The following LMOD3 variants were observed in gnomAD, a reference collection of about 807,000 sequenced individuals.
LMOD3 encodes leiomodin 3, also known as leiomodin-3.
LMOD3 carries 31 observed loss-of-function variants against 41.8 expected under a neutral mutation model. The ratio of observed to expected loss-of-function variants is 0.74; its 90% CI spans 0.56 to 1.00. The LOEUF is 1.00. Ranked by LOEUF, LMOD3 falls within the 50% of genes least tolerant of loss-of-function variation. LMOD3 has a pLI of 0.00. For synonymous variants in LMOD3, 292 were observed against 241.9 expected (o/e 1.21, Z -1.92); for missense variants, 755 against 679.5 (o/e 1.11, Z -1.23).
intron 2 of LMOD3, 92 bp downstream of exon 2, chr3:69,118,607 T>C (rs2092388286): frequency 7.1e-7 from 1 of 1,404,338 alleles, no homozygotes; most frequent in Admixed American, 2.5e-5. Flanking sequence ...AATTAGTGAG[T>C]ATCCCCTTAT....
rs926360221 is a variant in LMOD3 at position 69,121,976 on chromosome 3, T to C, written c.294+117A>G. On this transcript the variant is annotated intron_variant, in intron 1 of 2. Coordinates refer to ENST00000420581, the MANE Select transcript of LMOD3 (RefSeq NM_198271.5). ...TAAATATTATGGTTTAATCTAGATA[T>C]GGCAAAAACAAAGCAGAACCAAACC... 1.1e-5 allele frequency: 8 copies of C among 756,700 alleles called. No homozygotes were observed. In the African/African-American group the frequency reaches 1.4e-4, roughly 13 times the overall value. The allele number at this position is 756,700 out of a possible 1,614,324, so 46.9% of individuals were successfully genotyped here.
At chr3:69,116,475 T>C (rs1333808994) in intron 2 of LMOD3, among the ~76,000 whole-genome samples, 2 of 152,256 alleles carry the variant, frequency 1.3e-5, no homozygotes, top group Non-Finnish European at 2.9e-5. Context: ...TTTTCTTGAA[T>C]TATTTTTTTT....
Position 69,119,413 on chromosome 3 carries a change from A to C in LMOD3, c.942T>G (p.Thr314=). The change falls in exon 2 of 3, where the codon ACT becomes ACG. Residue 314 remains threonine, a synonymous_variant. Coordinates refer to ENST00000420581, the MANE Select transcript of LMOD3 (RefSeq NM_198271.5). ...NMLRENRSIT[T]LNIESNFITG... ...TGATGAAATTGGACTCGATGTTGAG[A>C]GTGGTGATGCTTCTATTTTCACGCA... is the stretch of plus-strand genomic sequence containing the variant. The C allele has an allele frequency of 6.2e-7, 1 of 1,613,926 alleles. No individual in the cohort carries two copies. Among genetic ancestry groups the C allele is most frequent in the Non-Finnish European group, 8.5e-7 (1 of 1,179,878 alleles).
chr3:69,112,219 G>C (rs2092353192), intron 2 of LMOD3, among the ~76,000 whole-genome samples: 1 of 152,212 alleles, frequency 6.6e-6, no homozygotes. Context: ...GTGTGTGTGT[G>C]TCTAGCATCA....
intron 2 of LMOD3, among the ~76,000 whole-genome samples, chr3:69,111,936 A>G (rs1575872706): frequency 6.6e-6 from 1 of 152,390 alleles, no homozygotes; most frequent in Middle Eastern, 3.4e-3. Flanking sequence ...GACTTTAAAA[A>G]TTAACCCTTT....
intron 2 of LMOD3, among the ~76,000 whole-genome samples, chr3:69,110,934 T>C (rs988021634): frequency 3.4e-5 from 5 of 147,348 alleles, no homozygotes; most frequent in African/African-American, 5.1e-5. Context: ...AGTCCAACAC[T>C]GCAAACCCAC....
At position 69,119,601 on chromosome 3, in the gene LMOD3, C is replaced by A; in HGVS notation, c.754G>T (p.Asp252Tyr). Residue 252 changes from aspartate to tyrosine, a missense_variant, in exon 2 of 3, where the codon GAT becomes TAT. Coordinates refer to ENST00000420581, the MANE Select transcript of LMOD3 (RefSeq NM_198271.5). ...AGGTTGAGTTCCTTCATGTCAGGAT[C>A]ATTTTTCCTAACTCTCCTCAAGCTC... is the stretch of plus-strand genomic sequence containing the variant. ...DGSLRRVRKN[D>Y]PDMKELNLNN... 1 of 1,613,730 alleles carries A rather than the reference C, an allele frequency of 6.2e-7. No individual in the cohort carries two copies. Among genetic ancestry groups the A allele is most frequent in the Non-Finnish European group, 8.5e-7 (1 of 1,179,856 alleles).
At position 69,119,017 on chromosome 3, in the gene LMOD3, G is replaced by A. The variant is rs771460251; in HGVS notation, c.1338C>T (p.Phe446=). 6.2e-7 allele frequency: 1 copy of A among 1,613,634 alleles called. No homozygotes were observed. The highest frequency in any genetic ancestry group is 1.7e-5 in the Admixed American group (1 of 59,978). Residue 446 remains phenylalanine (F), a synonymous_variant, in exon 2 of 3, where the codon TTC becomes TTT. Coordinates refer to ENST00000420581, the MANE Select transcript of LMOD3 (RefSeq NM_198271.5). ...GAGGCCGAGGTGGCGGTGGCTGGAA[G>A]AATTCCTGCATTCTGGAATCTGGCT... The part of the protein sequence containing the change: ...GPKPDSRMQE[F]FQPPPPRPPN...
rs1180046368 is a variant in LMOD3 at position 69,119,007 on chromosome 3, GTGGC to G, written c.1344_1347del (p.Gln448HisfsTer20). 1 of 1,613,642 alleles carries G rather than the reference GTGGC, an allele frequency of 6.2e-7. No homozygotes were observed. The highest frequency in any genetic ancestry group is 1.1e-5 in the South Asian group (1 of 91,034). On this transcript the variant is annotated frameshift_variant, in exon 2 of 3. Coordinates refer to ENST00000420581, the MANE Select transcript of LMOD3 (RefSeq NM_198271.5). LOFTEE classifies it high-confidence loss of function. The stretch of plus-strand genomic sequence containing the variant: ...TGGGGGTTGGGAGGCCGAGGTGGCG[GTGGC>G]TGGAAGAATTCCTGCATTCTGGAAT...
At chr3:69,117,390 T>C (rs1198587048) in intron 2 of LMOD3, among the ~76,000 whole-genome samples, 3 of 152,332 alleles carry the variant, frequency 2.0e-5, no homozygotes, top group African/African-American at 4.8e-5. Flanking sequence ...AAATTCAACA[T>C]GTTTTGAAAA....
intron 2 of LMOD3, among the ~76,000 whole-genome samples, chr3:69,115,136 C>A (rs896555354): frequency 2.6e-5 from 4 of 152,090 alleles, no homozygotes; most frequent in Non-Finnish European, 4.4e-5. Context: ...GCCTCCCAAA[C>A]TGTTGAGATT....
At position 69,119,796 on chromosome 3, in the gene LMOD3, T is replaced by G; in HGVS notation, c.559A>C (p.Asn187His). 6.2e-7 allele frequency: 1 copy of G among 1,606,166 alleles called. No homozygotes were observed. Among genetic ancestry groups the G allele is most frequent in the Non-Finnish European group, 8.5e-7 (1 of 1,175,486 alleles). Residue 187 changes from asparagine to histidine, a missense_variant, in exon 2 of 3, where the codon AAC becomes CAC. By Grantham distance (68) the Asn-to-His change is moderately conservative (BLOSUM62 1). Coordinates refer to ENST00000420581, the MANE Select transcript of LMOD3 (RefSeq NM_198271.5). ...GCTTTGTCAGTTACCTGCTGGCAGT[T>G]GTTCTCACAATTTCTAATTTGTTCC... ...AKEQIRNCEN[N>H]CQQVTDKAFK...
In LMOD3 at chr3:69,115,255, A is replaced by G. The variant is rs147983026; in HGVS notation, c.1656+3444T>C. On this transcript the variant is annotated intron_variant, in intron 2 of 2. Coordinates refer to ENST00000420581, the MANE Select transcript of LMOD3 (RefSeq NM_198271.5). ...CCGCCACTTTGGGAGGCTGAAGCGG[A>G]AGGATCACTTGAGCTCAAGAATTTG... Among the ~76,000 whole-genome samples, 83 of 152,178 alleles carry G rather than the reference A, an allele frequency of 5.5e-4. 1 individual carries two copies. The highest frequency in any genetic ancestry group is 3.4e-3 in the Middle Eastern group (1 of 294).
chr3:69,119,503 G>C lies in LMOD3; in HGVS notation c.852C>G (p.Ile284Met). The change falls in exon 2 of 3, where the codon ATC becomes ATG. Residue 284 changes from isoleucine to methionine, a missense_variant. Physicochemically the swap from Ile to Met is conservative, Grantham distance 10. Transcript: ENST00000420581. Reference protein sequence around the residue: ...FVNAMKKNKHIKTFSLANVGA... With the variant: ...FVNAMKKNKHMKTFSLANVGA... ...CCACATTGGCTAAACTGAATGTTTT[G>C]ATGTGCTTGTTTTTCTTCATTGCAT... 1 of 1,613,934 alleles carries C rather than the reference G, an allele frequency of 6.2e-7. No individual in the cohort carries two copies. Among genetic ancestry groups the C allele is most frequent in the Non-Finnish European group, 8.5e-7 (1 of 1,179,874 alleles).
At chr3:69,110,853 A>AAAAAAAAAAAAAATATATATATATAT (rs1458630453) in intron 2 of LMOD3, among the ~76,000 whole-genome samples, 1 of 104,168 alleles carries the variant, frequency 9.6e-6, no homozygotes, top group African/African-American at 4.8e-5. Context: ...AAAAAAAAAA[A>AAAAAAAAAAAAAATATATATATATAT]ATATATATAT....
In LMOD3 at chr3:69,117,179, C is replaced by T. The variant is rs116624903; in HGVS notation, c.1656+1520G>A. On this transcript the variant is annotated intron_variant, in intron 2 of 2. Coordinates refer to ENST00000420581, the MANE Select transcript of LMOD3 (RefSeq NM_198271.5). ...TTGTCTGACCTCATGTGACCTCCAG[C>T]GTTCTCACCCTGGCCACTGCTCCAG... Among the ~76,000 whole-genome samples the T allele has an allele frequency of 7.6e-4, 116 of 152,302 alleles. 2 individuals carry two copies. Among genetic ancestry groups the T allele is most frequent in the African/African-American group, 2.5e-3 (103 of 41,570 alleles).
intron 1 of LMOD3, among the ~76,000 whole-genome samples, chr3:69,121,819 G>A (rs1350336724): frequency 1.3e-5 from 2 of 152,166 alleles, no homozygotes; most frequent in Non-Finnish European, 2.9e-5. Context: ...TAAGTATCGT[G>A]GCAATAGAAC....
At position 69,107,387 on chromosome 3, in the gene LMOD3, T is replaced by C. The variant is rs1307256499; in HGVS notation, c.*1708A>G. ...TTGATACATGCCACTTATGATAACA[T>C]AAAAGGAGAAAGAAGGCAGGTGCCA... On this transcript the variant is annotated 3_prime_UTR_variant, in exon 3 of 3. Transcript: ENST00000420581. The C allele has an allele frequency of 1.8e-5, 2 of 113,364 alleles. No individual in the cohort carries two copies. Among genetic ancestry groups the C allele is most frequent in the African/African-American group, 6.6e-5 (2 of 30,338 alleles). The allele number at this position is 113,364 out of a possible 1,614,324, so 7.0% of individuals were successfully genotyped here.
At chr3:69,117,833 G>GTTTTTTTT (rs374336943) in intron 2 of LMOD3, among the ~76,000 whole-genome samples, 9 of 132,156 alleles carry the variant, frequency 6.8e-5, no homozygotes, top group South Asian at 2.4e-4. Context: ...AATTTGGGTG[G>GTTTTTTTT]TTTTTTTTTT....
Sources: gnomAD v4.1 joint callset for allele counts (sites outside exome capture counted in the v4.1 genomes callset) on GRCh38, gnomAD v4.1.1 for gene constraint, MANE v1.5 for transcripts, NCBI Gene and HGNC (gene_info 2026-07-23, HGNC 2026-07-21) for gene names.